The following YWHAE variants were observed in gnomAD, a reference collection of about 807,000 sequenced individuals.
YWHAE encodes tyrosine 3-monooxygenase/tryptophan 5-monooxygenase activation protein epsilon.
A neutral mutation model predicts 30.1 loss-of-function variants in YWHAE; 4 were observed. The ratio of observed to expected loss-of-function variants is 0.13; its 90% CI spans 0.07 to 0.30. The LOEUF (loss-of-function observed/expected upper bound fraction) is 0.30, where lower values mean the gene tolerates loss of function less well. Ranked by LOEUF, YWHAE falls within the 10% of genes least tolerant of loss-of-function variation. YWHAE has a pLI of 1.00. For synonymous variants in YWHAE, 118 were observed against 111.8 expected (o/e 1.06, Z -0.35); for missense variants, 121 against 315.9 (o/e 0.38, Z 4.68).
intron 5 of YWHAE, among the ~76,000 whole-genome samples, chr17:1,347,070 G>T (rs2072532827): frequency 2.0e-5 from 3 of 150,548 alleles, no homozygotes. Context: ...GCTCACGCCT[G>T]TAATACCAGC....
chr17:1,390,403 C>T (rs942262556), intron 1 of YWHAE, among the ~76,000 whole-genome samples: 4 of 152,126 alleles, frequency 2.6e-5, no homozygotes, highest in African/African-American at 4.8e-5. Flanking sequence ...ACTACACTTG[C>T]TAAGAATAAC....
chr17:1,370,245 G>T (rs1410296301), intron 1 of YWHAE, among the ~76,000 whole-genome samples: 1 of 144,180 alleles, frequency 6.9e-6, no homozygotes, highest in Non-Finnish European at 1.5e-5. Context: ...TCCTGCCTCA[G>T]CCTCCCGAGT....
Position 1,345,305 on chromosome 17 carries a change from A to AT in YWHAE, c.*141_*142insA. On this transcript the variant is annotated 3_prime_UTR_variant, in exon 6 of 6. Transcript: ENST00000264335. ...AAAACTGTTTAAAAAAAAAAAAAAAAAACCAACAGGGCAGGAACCTAAATT... is the reference window on the plus strand; with the variant it reads ...AAAACTGTTTAAAAAAAAAAAAAAAATAACCAACAGGGCAGGAACCTAAATT... The AT allele has an allele frequency of 2.5e-6, 2 of 802,068 alleles. No homozygotes were observed. The highest frequency in any genetic ancestry group is 2.8e-5 in the Admixed American group (1 of 36,124). 49.7% of individuals were successfully genotyped at this position (802,068 alleles called of 1,614,324 possible).
intron 1 of YWHAE, among the ~76,000 whole-genome samples, chr17:1,393,218 G>A (rs544748152): frequency 6.6e-6 from 1 of 151,416 alleles, no homozygotes; most frequent in Non-Finnish European, 1.5e-5. Flanking sequence ...CTACTTAAGA[G>A]GCTGAGGTGG....
intron 4 of YWHAE, among the ~76,000 whole-genome samples, chr17:1,357,575 G>A (rs183508172): frequency 3.3e-5 from 5 of 151,094 alleles, no homozygotes; most frequent in African/African-American, 9.7e-5. Context: ...GTGAGACTCC[G>A]TCAAAATAAA....
chr17:1,366,479 A>C (rs1268388115), intron 1 of YWHAE, among the ~76,000 whole-genome samples: 1 of 152,130 alleles, frequency 6.6e-6, no homozygotes, highest in Non-Finnish European at 1.5e-5. Context: ...CAGAGATTGC[A>C]ACTGAGATCG....
intron 1 of YWHAE, chr17:1,399,213 G>A (rs76665207): frequency 1.3e-5 from 2 of 152,050 alleles, no homozygotes; most frequent in Non-Finnish European, 2.9e-5. Context: ...CAGAACCCAC[G>A]GGTGATGGAG....
Position 1,355,115 on chromosome 17 carries a change from TTAAAAAAAAAAAAAAAAAA to T in YWHAE, c.579-787_579-769del, listed in dbSNP as rs2072713898. Among the ~76,000 whole-genome samples the T allele has an allele frequency of 6.5e-4, 47 of 72,362 alleles. 1 individual carries two copies. In the East Asian group the frequency reaches 8.2e-3, roughly 13 times the overall value. The allele number at this position is 72,362 out of a possible 152,430, so 47.5% of individuals were successfully genotyped here. A position where few individuals can be genotyped will look rare whatever the true frequency, so the allele number is the denominator to read the frequency against. ...TACACACTACCACCCCCAAGATTTT[TTAAAAAAAAAAAAAAAAAA>T]AAAAAAAAAAAAAATTTTTTTTTTT... On this transcript the variant is annotated intron_variant, in intron 4 of 5. Coordinates refer to ENST00000264335, the MANE Select transcript of YWHAE (RefSeq NM_006761.5).
chr17:1,361,013 C>T (rs2072855535), intron 4 of YWHAE, 79 bp downstream of exon 4: 1 of 1,351,600 alleles, frequency 7.4e-7, no homozygotes, highest in Non-Finnish European at 1.0e-6. Context: ...AAGACAGGCC[C>T]AAGAAACAAC....
At chr17:1,398,657 C>A (rs2073513350) in intron 1 of YWHAE, among the ~76,000 whole-genome samples, 1 of 152,144 alleles carries the variant, frequency 6.6e-6, no homozygotes, top group Non-Finnish European at 1.5e-5. Flanking sequence ...CCACAGGACC[C>A]ACAGACATGA....
intron 1 of YWHAE, chr17:1,399,665 A>T (rs1219647984): frequency 8.9e-6 from 3 of 338,022 alleles, no homozygotes; most frequent in Non-Finnish European, 1.7e-5. Flanking sequence ...ACCCCACCCA[A>T]TTGTTCTCCA....
At chr17:1,383,888 C>T (rs1181640418) in intron 1 of YWHAE, among the ~76,000 whole-genome samples, 3 of 151,940 alleles carry the variant, frequency 2.0e-5, no homozygotes, top group Admixed American at 6.6e-5. Flanking sequence ...TGGCAAGACC[C>T]CATCTCTTCA....
rs1191029966 is a variant in YWHAE, at chr17:1,364,824, G to A, written c.264+35C>T. 3.1e-6 allele frequency: 5 copies of A among 1,613,372 alleles called. No individual in the cohort carries two copies. In the South Asian group the frequency reaches 3.3e-5, roughly 11 times the overall value. On this transcript the variant is annotated intron_variant, in intron 2 of 5. Transcript: ENST00000264335. The stretch of plus-strand genomic sequence containing the variant: ...TACCGTCCTACAGGTAACTCAAACT[G>A]TGGATAAGGGGGGATGATGGCACAA...
intron 1 of YWHAE, among the ~76,000 whole-genome samples, chr17:1,381,764 A>C (rs2073211191): frequency 6.6e-6 from 1 of 151,890 alleles, no homozygotes; most frequent in Non-Finnish European, 1.5e-5. Flanking sequence ...AAAAAATACA[A>C]AAATTGGCCA....
chr17:1,394,761 G>C (rs541571479), intron 1 of YWHAE, among the ~76,000 whole-genome samples: 1 of 152,016 alleles, frequency 6.6e-6, no homozygotes, highest in African/African-American at 2.4e-5. Context: ...GAGGTCAGGA[G>C]TCAGAGATCA....
chr17:1,364,395 G>T (rs1329884710), intron 2 of YWHAE, among the ~76,000 whole-genome samples: 3 of 151,844 alleles, frequency 2.0e-5, no homozygotes, highest in Non-Finnish European at 4.4e-5. Context: ...CCCAGCTAAT[G>T]TTTTGTATTT....
Position 1,362,021 on chromosome 17 carries a change from AAAT to A in YWHAE, c.265-16_265-14del. 2.6e-6 allele frequency: 4 copies of A among 1,521,670 alleles called. No individual in the cohort carries two copies. The highest frequency in any genetic ancestry group is 1.4e-5 in the African/African-American group (1 of 70,476). 94.3% of individuals were successfully genotyped at this position (1,521,670 alleles called of 1,614,324 possible). A position where few individuals can be genotyped will look rare whatever the true frequency, so the allele number is the denominator to read the frequency against. On this transcript the variant is annotated splice_polypyrimidine_tract_variant and intron_variant, in intron 2 of 5. Coordinates refer to ENST00000264335, the MANE Select transcript of YWHAE (RefSeq NM_006761.5). ...GCTCAGTCTCAACCTAAAAAAAAAA[AAAT>A]TTTTTTTAAATCAGATTAAGTCTAG...
intron 1 of YWHAE, among the ~76,000 whole-genome samples, chr17:1,395,385 C>G (rs146339568): frequency 6.6e-6 from 1 of 151,980 alleles, no homozygotes; most frequent in Non-Finnish European, 1.5e-5. Flanking sequence ...AAAAATTAGC[C>G]GAGTGTGGTG....
intron 1 of YWHAE, among the ~76,000 whole-genome samples, chr17:1,384,901 G>A (rs959906860): frequency 4.6e-5 from 7 of 151,842 alleles, no homozygotes; most frequent in African/African-American, 9.7e-5. Flanking sequence ...TAGTAGAGAC[G>A]GGTTTCTCCA....
Sources: gnomAD v4.1 joint callset for allele counts (sites outside exome capture counted in the v4.1 genomes callset) on GRCh38, gnomAD v4.1.1 for gene constraint, MANE v1.5 for transcripts, NCBI Gene and HGNC (gene_info 2026-07-23, HGNC 2026-07-21) for gene names.